CDK5RAP1: variants seen among roughly 807,000 people sequenced by gnomAD.
CDK5RAP1 encodes the protein mitochondrial tRNA methylthiotransferase CDK5RAP1.
A neutral mutation model predicts 64.5 loss-of-function variants in CDK5RAP1; 62 were observed. The observed-to-expected ratio is 0.96, with a 90% confidence interval of 0.78 to 1.19. The LOEUF (loss-of-function observed/expected upper bound fraction) is 1.19, where lower values mean the gene tolerates loss of function less well. Among genes scored for constraint, CDK5RAP1 ranks in the 50% most tolerant of loss-of-function variants. The pLI, the probability that CDK5RAP1 is intolerant of heterozygous loss-of-function variation, is 0.00. For synonymous variants in CDK5RAP1, 250 were observed against 261.9 expected (o/e 0.95, Z 0.44); for missense variants, 657 against 735.0 (o/e 0.89, Z 1.23).
intron 11 of CDK5RAP1, among the ~76,000 whole-genome samples, chr20:33,369,736 A>G (rs1016430190): frequency 6.6e-6 from 1 of 152,118 alleles, no homozygotes; most frequent in Non-Finnish European, 1.5e-5. Flanking sequence ...ACAGCATAGA[A>G]AGATACTGCC....
At chr20:33,380,644 TG>T (rs1377546693) in intron 7 of CDK5RAP1, among the ~76,000 whole-genome samples, 5 of 152,114 alleles carry the variant, frequency 3.3e-5, no homozygotes, top group Admixed American at 6.6e-5. Context: ...TGGAGATAGG[TG>T]TATGACAAAA....
rs1987575274 is a variant in CDK5RAP1, at chr20:33,387,379, C to T, written c.699G>A (p.Glu233=). The change falls in exon 6 of 14, where the codon GAG becomes GAA. Residue 233 remains glutamate, a synonymous_variant. Transcript: ENST00000346416. ...QAANVLLSLD[E]TYADVMPVQT... Reference sequence around the variant, plus strand: ...GGACTGGCATGACATCAGCATAGGTCTCGTCCAGAGAGAGCAGCACGTTGG... The same window carrying T: ...GGACTGGCATGACATCAGCATAGGTTTCGTCCAGAGAGAGCAGCACGTTGG... 1.9e-6 allele frequency: 3 copies of T among 1,614,146 alleles called. No homozygotes were observed. The East Asian group carries it at 6.7e-5, about 36-fold the overall frequency.
chr20:33,393,247 T>C (rs2146714090), intron 4 of CDK5RAP1, among the ~76,000 whole-genome samples: 1 of 152,164 alleles, frequency 6.6e-6, no homozygotes, highest in East Asian at 1.9e-4. Context: ...TCTTGAATAG[T>C]TCACTGTAGC....
rs376546158 is a variant in CDK5RAP1, at chr20:33,385,715, G to A, written c.811C>T (p.Arg271Trp). ...ATAGGCCGACTCCTCTCCCTGCCCCGGGTGAAAGGAACAATGCAGTAGCTA... is the reference window on the plus strand; with the variant it reads ...ATAGGCCGACTCCTCTCCCTGCCCCAGGTGAAAGGAACAATGCAGTAGCTA... ...MCSYCIVPFT[R>W]GRERSRPIAS... The change falls in exon 7 of 14, where the codon CGG becomes TGG. Residue 271 changes from arginine (R) to tryptophan (W), a missense_variant. Physicochemically the swap from Arg to Trp is moderately radical, Grantham distance 101 (BLOSUM62 -3). Transcript: ENST00000346416. 93 of 1,613,796 alleles carry A rather than the reference G, an allele frequency of 5.8e-5. No individual in the cohort carries two copies. The highest frequency in any genetic ancestry group is 6.9e-5 in the Non-Finnish European group (81 of 1,179,818).
intron 12 of CDK5RAP1, among the ~76,000 whole-genome samples, chr20:33,361,954 T>C (rs1322454581): frequency 1.2e-4 from 4 of 32,354 alleles, no homozygotes; most frequent in African/African-American, 1.9e-4. Context: ...AGCCTCAGTC[T>C]CAAAAAAAAA....
chr20:33,376,778 G>A, intron 8 of CDK5RAP1, among the ~76,000 whole-genome samples: 1 of 152,192 alleles, frequency 6.6e-6, no homozygotes, highest in Non-Finnish European at 1.5e-5. Flanking sequence ...TCTGGGCAGA[G>A]TAAACTGAAA....
chr20:33,370,828 T>C (rs1984882390), intron 10 of CDK5RAP1, among the ~76,000 whole-genome samples, 199 bp from the exon 11 acceptor site: 1 of 152,212 alleles, frequency 6.6e-6, no homozygotes, highest in Admixed American at 6.5e-5. Flanking sequence ...GATCAGCTTC[T>C]TGGCCTACAT....
intron 8 of CDK5RAP1, among the ~76,000 whole-genome samples, chr20:33,375,231 G>A (rs1258955715): frequency 6.6e-6 from 1 of 150,968 alleles, no homozygotes; most frequent in African/African-American, 2.4e-5. Flanking sequence ...GTAAAACCCC[G>A]TCTCTACTAA....
chr20:33,373,759 T>C, intron 9 of CDK5RAP1: 1 of 214,384 alleles, frequency 4.7e-6, no homozygotes, highest in East Asian at 1.1e-4. Context: ...AAAAACATAC[T>C]AAACAGTGAA....
chr20:33,387,663 T>C (rs530280057), intron 5 of CDK5RAP1, 130 bp from the exon 6 acceptor site: 5 of 679,078 alleles, frequency 7.4e-6, no homozygotes, highest in South Asian at 1.8e-5. Context: ...GAATTGAGTA[T>C]CATCCTTCAA....
intron 7 of CDK5RAP1, among the ~76,000 whole-genome samples, chr20:33,385,146 A>G (rs1204119883): frequency 6.6e-6 from 1 of 152,148 alleles, no homozygotes; most frequent in Non-Finnish European, 1.5e-5. Flanking sequence ...GTGGCTTCTG[A>G]TCCACCTTAC....
intron 12 of CDK5RAP1, among the ~76,000 whole-genome samples, chr20:33,364,920 G>T (rs1459153082): frequency 1.2e-4 from 16 of 131,568 alleles, no homozygotes; most frequent in African/African-American, 3.4e-4. Context: ...TATTTTTTTT[G>T]ATACAGACTC....
chr20:33,381,316 T>C (rs1425980093), intron 7 of CDK5RAP1, among the ~76,000 whole-genome samples: 1 of 152,238 alleles, frequency 6.6e-6, no homozygotes, highest in Non-Finnish European at 1.5e-5. Context: ...CATTCTCCTA[T>C]ATAATTTCAG....
chr20:33,388,957 G>C (rs575719003), intron 5 of CDK5RAP1, among the ~76,000 whole-genome samples: 1 of 152,174 alleles, frequency 6.6e-6, no homozygotes, highest in Admixed American at 6.5e-5. Flanking sequence ...GTGCAGTGGC[G>C]TGACCTCCGC....
chr20:33,366,835 T>A (rs760210344), intron 12 of CDK5RAP1, 24 bp downstream of exon 12: 6 of 1,585,700 alleles, frequency 3.8e-6, no homozygotes, highest in Non-Finnish European at 5.1e-6. Context: ...AAAAACAACA[T>A]AACACACACA....
At position 33,359,139 on chromosome 20, in the gene CDK5RAP1, G is replaced by A; in HGVS notation, c.1684-16C>T. ...CTGAGGTGATCTGAAAGAAAACCAG[G>A]CAGAAGAAGGCAAAATAACTAGGAC... On this transcript the variant is annotated splice_polypyrimidine_tract_variant and intron_variant, in intron 13 of 13. Transcript: ENST00000346416. 2 of 1,583,930 alleles carry A rather than the reference G, an allele frequency of 1.3e-6. No homozygotes were observed. The highest frequency in any genetic ancestry group is 1.7e-6 in the Non-Finnish European group (2 of 1,152,818).
intron 3 of CDK5RAP1, among the ~76,000 whole-genome samples, 195 bp from the exon 4 acceptor site, chr20:33,394,261 C>T (rs556602087): frequency 7.3e-5 from 11 of 151,204 alleles, no homozygotes; most frequent in African/African-American, 2.7e-4. Flanking sequence ...CCGAGCGGTT[C>T]AAGCAATTCT....
In CDK5RAP1 at chr20:33,372,706, A is replaced by C; in HGVS notation, c.1206-9T>G. ...AAGCTTCTCTTGAATATCTGCAATAAAGAACAAAAGGAAAAGGCCTACATA... is the reference window on the plus strand; with the variant it reads ...AAGCTTCTCTTGAATATCTGCAATACAGAACAAAAGGAAAAGGCCTACATA... On this transcript the variant is annotated splice_polypyrimidine_tract_variant and intron_variant, in intron 9 of 13. Coordinates refer to ENST00000346416, the MANE Select transcript of CDK5RAP1 (RefSeq NM_016408.4). The C allele has an allele frequency of 6.3e-7, 1 of 1,576,594 alleles. No homozygotes were observed. The highest frequency in any genetic ancestry group is 8.7e-7 in the Non-Finnish European group (1 of 1,155,472).
Position 33,366,858 on chromosome 20 carries a change from C to G in CDK5RAP1, c.1542+1G>C. Reference sequence around the variant, plus strand: ...CATAACACACACACATATGGCCTCACCCCTTCCACTAGCACCAACTGGGTA... The same window carrying G: ...CATAACACACACACATATGGCCTCAGCCCTTCCACTAGCACCAACTGGGTA... On this transcript the variant is annotated splice_donor_variant, in intron 12 of 13. Coordinates refer to ENST00000346416, the MANE Select transcript of CDK5RAP1 (RefSeq NM_016408.4). LOFTEE classifies it high-confidence loss of function. The G allele has an allele frequency of 6.2e-7, 1 of 1,611,796 alleles. No individual in the cohort carries two copies. The highest frequency in any genetic ancestry group is 8.5e-7 in the Non-Finnish European group (1 of 1,179,352).
Sources: allele counts gnomAD v4.1 joint callset (sites outside exome capture counted in the v4.1 genomes callset), GRCh38; gene constraint gnomAD v4.1.1; transcripts MANE v1.5; gene names NCBI Gene and HGNC (gene_info 2026-07-23, HGNC 2026-07-21).